The following PSMA1 variants were observed in gnomAD, a reference collection of about 807,000 sequenced individuals.
PSMA1 encodes the protein proteasome subunit alpha type-1.
PSMA1 carries 3 observed loss-of-function variants against 38.4 expected under a neutral mutation model. The ratio of observed to expected loss-of-function variants is 0.08; its 90% CI spans 0.04 to 0.20. The LOEUF (loss-of-function observed/expected upper bound fraction) is 0.20. Ranked by LOEUF, PSMA1 falls within the 10% of genes least tolerant of loss-of-function variation. The pLI, the probability that PSMA1 is intolerant of heterozygous loss-of-function variation, is 1.00. For synonymous variants in PSMA1, 101 were observed against 107.1 expected (o/e 0.94, Z 0.35); for missense variants, 227 against 325.3 (o/e 0.70, Z 2.32).
intron 2 of PSMA1, among the ~76,000 whole-genome samples, chr11:14,609,948 A>G (rs1852690776): frequency 6.6e-6 from 1 of 152,188 alleles, no homozygotes; most frequent in Non-Finnish European, 1.5e-5. Flanking sequence ...TCTAAAGAAG[A>G]CATGATTGTG....
intron 1 of PSMA1, among the ~76,000 whole-genome samples, chr11:14,638,537 CTCTCTCTCTATATATATA>C (rs1412282275): frequency 1.0e-3 from 23 of 22,720 alleles, no homozygotes; most frequent in South Asian, 3.6e-3. Context: ...CTCTCTCTCT[CTCTCTCTCTATATATATA>C]TATATATATA....
chr11:14,581,993 T>G (rs557486683), intron 2 of PSMA1, among the ~76,000 whole-genome samples: 7 of 152,288 alleles, frequency 4.6e-5, no homozygotes, highest in African/African-American at 1.7e-4. Context: ...ACGTACTTAT[T>G]CCTGAACCTG....
intron 1 of PSMA1, 184 bp downstream of exon 1, chr11:14,520,113 C>A: frequency 5.5e-6 from 5 of 914,592 alleles, no homozygotes; most frequent in Non-Finnish European, 8.5e-6. Flanking sequence ...GCCGCACTGG[C>A]TACCGATAAC....
chr11:14,632,667 G>T (rs1241997374), intron 1 of PSMA1, among the ~76,000 whole-genome samples: 1 of 147,334 alleles, frequency 6.8e-6, no homozygotes, highest in Non-Finnish European at 1.5e-5. Flanking sequence ...TTCTCGAGGA[G>T]TATCTTTGTG....
intron 5 of PSMA1, 56 bp from the exon 6 acceptor site, chr11:14,513,943 C>A: frequency 1.3e-6 from 2 of 1,504,158 alleles, no homozygotes; most frequent in South Asian, 1.3e-5. Flanking sequence ...TCTTTATTTT[C>A]AAATTATACA....
intron 2 of PSMA1, among the ~76,000 whole-genome samples, chr11:14,535,477 C>G (rs1851695588): frequency 7.4e-6 from 1 of 134,396 alleles, no homozygotes; most frequent in Non-Finnish European, 1.6e-5. Flanking sequence ...GAGTTTTGCT[C>G]TTGTTGCCTA....
chr11:14,623,160 G>A (rs1852869641), intron 1 of PSMA1, among the ~76,000 whole-genome samples: 1 of 152,200 alleles, frequency 6.6e-6, no homozygotes, highest in African/African-American at 2.4e-5. Context: ...CAAATTGCAT[G>A]CGCAGGTAGC....
chr11:14,592,389 TATATA>T (rs1299457060), intron 2 of PSMA1, among the ~76,000 whole-genome samples: 4 of 144,098 alleles, frequency 2.8e-5, no homozygotes, highest in East Asian at 2.0e-4. Context: ...TATATATATA[TATATA>T]TTTTTTTTTT....
At chr11:14,543,607 G>C (rs1851795414) in intron 2 of PSMA1, among the ~76,000 whole-genome samples, 1 of 151,802 alleles carries the variant, frequency 6.6e-6, no homozygotes, top group African/African-American at 2.4e-5. Flanking sequence ...TAACACCAAG[G>C]TCTGCATTTT....
intron 2 of PSMA1, among the ~76,000 whole-genome samples, chr11:14,557,949 G>A (rs1286425743): frequency 3.3e-5 from 5 of 152,004 alleles, no homozygotes; most frequent in African/African-American, 9.7e-5. Context: ...GCTATTTATC[G>A]TCCTTCTTTC....
intron 1 of PSMA1, among the ~76,000 whole-genome samples, chr11:14,613,337 T>C (rs1222875452): frequency 7.2e-6 from 1 of 139,584 alleles, no homozygotes; most frequent in Admixed American, 7.0e-5. Context: ...CTGCAACCTC[T>C]GCCTCCCAGG....
chr11:14,630,985 TG>T (rs2133719011), intron 1 of PSMA1, among the ~76,000 whole-genome samples: 1 of 152,362 alleles, frequency 6.6e-6, no homozygotes, highest in South Asian at 2.1e-4. Context: ...GAAGGTAGTT[TG>T]TATTTCTGTA....
At chr11:14,535,502 G>A (rs1851695726) in intron 2 of PSMA1, among the ~76,000 whole-genome samples, 2 of 148,426 alleles carry the variant, frequency 1.3e-5, no homozygotes, top group South Asian at 4.2e-4. Context: ...AGAGTGCAAT[G>A]GCACGATCTC....
At chr11:14,528,472 C>G (rs1265293429) in intron 2 of PSMA1, among the ~76,000 whole-genome samples, 1 of 152,104 alleles carries the variant, frequency 6.6e-6, no homozygotes, top group Non-Finnish European at 1.5e-5. Context: ...AGTTGAATCT[C>G]TCCCACTGTA....
Position 14,540,457 on chromosome 11 carries a change from G to A in PSMA1, c.22-21416C>T, listed in dbSNP as rs147230335. On this transcript the variant is annotated intron_variant, in intron 2 of 10. Transcript: ENST00000418988. Reference sequence around the variant, plus strand: ...CACTTCCAGAAAATAAACTGAGATCGCCTAAATGCAGAAAGATCAAAAAAG... The same window carrying A: ...CACTTCCAGAAAATAAACTGAGATCACCTAAATGCAGAAAGATCAAAAAAG... Among the ~76,000 whole-genome samples, 340 of 152,234 alleles carry A rather than the reference G, an allele frequency of 2.2e-3. 1 individual carries two copies. The highest frequency in any genetic ancestry group is 7.3e-3 in the African/African-American group (305 of 41,552).
intron 2 of PSMA1, among the ~76,000 whole-genome samples, chr11:14,533,509 C>G (rs1161453487): frequency 6.6e-6 from 1 of 152,146 alleles, no homozygotes; most frequent in Non-Finnish European, 1.5e-5. Flanking sequence ...TGTTACAGAA[C>G]AAGATGGGAA....
intron 2 of PSMA1, among the ~76,000 whole-genome samples, chr11:14,541,041 A>G (rs549761505): frequency 2.6e-5 from 4 of 152,326 alleles, no homozygotes; most frequent in African/African-American, 9.6e-5. Context: ...ATACATATGT[A>G]ACAAACCTGC....
intron 2 of PSMA1, among the ~76,000 whole-genome samples, chr11:14,536,452 G>A (rs554708252): frequency 3.3e-5 from 5 of 151,674 alleles, no homozygotes; most frequent in Admixed American, 2.0e-4. Context: ...GCTTGAACCC[G>A]GGAGGTGGAG....
chr11:14,626,295 A>C (rs1316149438), intron 1 of PSMA1, among the ~76,000 whole-genome samples: 1 of 152,222 alleles, frequency 6.6e-6, no homozygotes, highest in Non-Finnish European at 1.5e-5. Context: ...ATCTTAATTC[A>C]TATAAATGAG....
Sources: allele counts gnomAD v4.1 joint callset (sites outside exome capture counted in the v4.1 genomes callset), GRCh38; gene constraint gnomAD v4.1.1; transcripts MANE v1.5; gene names NCBI Gene and HGNC (gene_info 2026-07-23, HGNC 2026-07-21).